The following CEP63 variants were observed in gnomAD, a reference collection of about 807,000 sequenced individuals.
CEP63 encodes centrosomal protein 63, also known as centrosomal protein of 63 kDa.
Under a neutral mutation model 89.1 loss-of-function variants are expected in CEP63, and 84 were observed. The observed-to-expected ratio is 0.94, with a 90% CI of 0.79 to 1.13. CEP63 has a LOEUF of 1.13. Among genes scored for constraint, CEP63 ranks in the 50% most tolerant of loss-of-function variants. The pLI is 0.00. For missense variants in CEP63, 838 were observed against 813.3 expected, an observed-to-expected ratio of 1.03 and a Z score of -0.37; for synonymous variants, 267 against 272.5, an observed-to-expected ratio of 0.98 and a Z score of 0.20.
chr3:134,602,335 C>G, the CEP63 span, among the ~76,000 whole-genome samples: 1 of 152,148 alleles, frequency 6.6e-6, no homozygotes, highest in African/African-American at 2.4e-5. Context: ...GCCAGCTGGG[C>G]AGCTGAGGCC....
intron 1 of CEP63, among the ~76,000 whole-genome samples, chr3:134,487,390 G>A (rs561214878): frequency 8.4e-4 from 128 of 152,234 alleles, no homozygotes; most frequent in Non-Finnish European, 1.6e-3. Context: ...CTTTTAAAAT[G>A]TATGTAGATG....
the CEP63 span, among the ~76,000 whole-genome samples, chr3:134,686,510 G>A: frequency 6.6e-6 from 1 of 152,204 alleles, no homozygotes; most frequent in Non-Finnish European, 1.5e-5. Flanking sequence ...ACAGTCAGAA[G>A]CCTTGCAGGG....
the CEP63 span, chr3:134,607,920 G>T: frequency 1.0e-6 from 1 of 991,572 alleles, no homozygotes; most frequent in Non-Finnish European, 1.2e-6. Context: ...GCCTGAGTTT[G>T]GAGGCTGGGG....
At chr3:134,501,089 C>G (rs1198494570) in intron 2 of CEP63, among the ~76,000 whole-genome samples, 1 of 152,094 alleles carries the variant, frequency 6.6e-6, no homozygotes, top group Non-Finnish European at 1.5e-5. Flanking sequence ...ATTTATTGAA[C>G]AGAGTATCCT....
chr3:134,595,758 A>G, the CEP63 span, among the ~76,000 whole-genome samples: 1 of 152,176 alleles, frequency 6.6e-6, no homozygotes, highest in Non-Finnish European at 1.5e-5. Flanking sequence ...ATACCACTGG[A>G]TACCACTTCG....
At chr3:134,759,732 A>C in the CEP63 span, among the ~76,000 whole-genome samples, 1 of 152,356 alleles carries the variant, frequency 6.6e-6, no homozygotes, top group East Asian at 1.9e-4. Flanking sequence ...CAATTGCTGC[A>C]TGTACTGGTA....
downstream of CEP63, among the ~76,000 whole-genome samples, chr3:134,591,803 C>T (rs1191657278): frequency 6.6e-6 from 1 of 152,078 alleles, no homozygotes; most frequent in Non-Finnish European, 1.5e-5. Context: ...GTGGCTTAAG[C>T]CTGGGAGGCA....
the CEP63 span, among the ~76,000 whole-genome samples, chr3:134,750,996 CA>C: frequency 1.1e-4 from 16 of 152,230 alleles, no homozygotes; most frequent in Non-Finnish European, 1.5e-5. Context: ...AGTTCCACAA[CA>C]TTCCTGTTAC....
At chr3:134,609,475 C>G in the CEP63 span, among the ~76,000 whole-genome samples, 2 of 152,262 alleles carry the variant, frequency 1.3e-5, no homozygotes, top group Non-Finnish European at 2.9e-5. Context: ...GTATTTGTCC[C>G]ATGTGTGGGA....
chr3:134,685,797 C>T, the CEP63 span, among the ~76,000 whole-genome samples: 2 of 152,272 alleles, frequency 1.3e-5, no homozygotes, highest in East Asian at 3.9e-4. Context: ...AAGGTGATGT[C>T]GTGTACACAA....
the CEP63 span, among the ~76,000 whole-genome samples, chr3:134,599,852 G>A: frequency 3.4e-4 from 52 of 152,144 alleles, no homozygotes; most frequent in Non-Finnish European, 6.8e-4. Flanking sequence ...GAACATGAAA[G>A]CATTTTTCCT....
At chr3:134,721,837 A>G in the CEP63 span, among the ~76,000 whole-genome samples, 1 of 152,230 alleles carries the variant, frequency 6.6e-6, no homozygotes, top group East Asian at 1.9e-4. Flanking sequence ...TGCATAGTAT[A>G]TCATTCTTTT....
chr3:134,744,858 A>G, the CEP63 span, among the ~76,000 whole-genome samples: 1 of 152,152 alleles, frequency 6.6e-6, no homozygotes, highest in East Asian at 1.9e-4. Flanking sequence ...GTATTTGTCT[A>G]ATGCACACTA....
At chr3:134,570,832 C>T (rs892303869) in intron 11 of CEP63, among the ~76,000 whole-genome samples, 1 of 152,222 alleles carries the variant, frequency 6.6e-6, no homozygotes, top group African/African-American at 2.4e-5. Context: ...AATGGACTTA[C>T]AGTTCCACTT....
chr3:134,673,628 T>G, the CEP63 span, among the ~76,000 whole-genome samples: 1 of 152,298 alleles, frequency 6.6e-6, no homozygotes, highest in East Asian at 1.9e-4. Context: ...CTTTGTCCTT[T>G]TGTGTACCCT....
At chr3:134,597,608 C>A in the CEP63 span, among the ~76,000 whole-genome samples, 2 of 152,212 alleles carry the variant, frequency 1.3e-5, no homozygotes, top group African/African-American at 4.8e-5. Context: ...TCTTGCCAGG[C>A]AGCCCCAGCA....
At chr3:134,607,036 T>C in the CEP63 span, 1 of 985,136 alleles carries the variant, frequency 1.0e-6, no homozygotes, top group South Asian at 4.7e-5. Flanking sequence ...TTTAGATTTC[T>C]ATAAATTAAG....
At position 134,532,850 on chromosome 3, in the gene CEP63, A is replaced by C. The variant is rs1317518554; in HGVS notation, c.391A>C (p.Asn131His). 6.2e-7 allele frequency: 1 copy of C among 1,613,868 alleles called. No individual in the cohort carries two copies. Among genetic ancestry groups the C allele is most frequent in the East Asian group, 2.2e-5 (1 of 44,842 alleles). The part of the protein sequence containing the change: ...QMREFRGNTK[N>H]HREDRSEIER... Reference sequence around the variant, plus strand: ...GAGGGAATTCAGAGGAAATACCAAAAATCACAGGGAAGATCGGTCTGAAAT... The same window carrying C: ...GAGGGAATTCAGAGGAAATACCAAACATCACAGGGAAGATCGGTCTGAAAT... The change falls in exon 5 of 15, where the codon AAT becomes CAT. Residue 131 changes from asparagine (N) to histidine (H), a missense_variant. Transcript: ENST00000675561.
the CEP63 span, chr3:134,650,774 A>G: frequency 6.7e-7 from 1 of 1,486,982 alleles, no homozygotes; most frequent in Non-Finnish European, 9.0e-7. Context: ...CCTTGTGGCA[A>G]GGAGGCCAAG....
Sources: allele counts gnomAD v4.1 joint callset (sites outside exome capture counted in the v4.1 genomes callset), GRCh38; gene constraint gnomAD v4.1.1; transcripts MANE v1.5; gene names NCBI Gene and HGNC (gene_info 2026-07-23, HGNC 2026-07-21).